ATAD2B: variants seen among roughly 807,000 people sequenced by gnomAD.
ATAD2B encodes the protein ATPase family AAA domain containing 2B, also known as ATPase family AAA domain-containing protein 2B.
In ATAD2B, 40 loss-of-function variants were observed where a neutral mutation model predicts 167.6. That is an observed-to-expected ratio of 0.24 (90% confidence interval 0.19 to 0.31). The LOEUF is 0.31. Among genes scored for constraint, ATAD2B ranks in the 10% least tolerant of loss-of-function variants. The pLI is 1.00. For missense variants in ATAD2B, 1,242 were observed against 1,757.2 expected (o/e 0.71, Z 5.24); for synonymous variants, 579 against 596.5 (o/e 0.97, Z 0.43).
chr2:23,723,114 A>C, the ATAD2B span, among the ~76,000 whole-genome samples: 1 of 152,184 alleles, frequency 6.6e-6, no homozygotes, highest in Admixed American at 6.5e-5. Flanking sequence ...CAACATGGCG[A>C]AACCCCATCT....
At chr2:23,685,394 A>G in the ATAD2B span, 1 of 152,362 alleles carries the variant, frequency 6.6e-6, no homozygotes, top group Non-Finnish European at 1.5e-5. Context: ...CCCTCAGCAG[A>G]TTAACGCCGC....
At chr2:23,735,646 T>C in the ATAD2B span, among the ~76,000 whole-genome samples, 3 of 152,316 alleles carry the variant, frequency 2.0e-5, no homozygotes, top group South Asian at 6.2e-4. Flanking sequence ...AATACTAACT[T>C]GAAAAGATTC....
chr2:23,849,279 A>G (rs992330011), intron 13 of ATAD2B, among the ~76,000 whole-genome samples: 3 of 152,206 alleles, frequency 2.0e-5, no homozygotes, highest in Non-Finnish European at 4.4e-5. Flanking sequence ...AAACAGCATG[A>G]AGTCTAGAAT....
intron 18 of ATAD2B, among the ~76,000 whole-genome samples, chr2:23,799,367 G>A (rs1025227168): frequency 6.6e-6 from 1 of 151,994 alleles, no homozygotes; most frequent in Non-Finnish European, 1.5e-5. Context: ...GAGGTCAGGA[G>A]TTCAAGACCA....
chr2:23,736,373 AG>A, the ATAD2B span, among the ~76,000 whole-genome samples: 2 of 152,204 alleles, frequency 1.3e-5, no homozygotes, highest in African/African-American at 4.8e-5. Flanking sequence ...GCAGATAGCA[AG>A]GAATTACCAA....
At chr2:23,800,695 T>A (rs1201432985) in intron 18 of ATAD2B, among the ~76,000 whole-genome samples, 2 of 152,114 alleles carry the variant, frequency 1.3e-5, no homozygotes, top group African/African-American at 4.8e-5. Context: ...TTCCAAAAAA[T>A]TTCTTATTTT....
At chr2:23,884,437 A>G (rs976877057) in intron 6 of ATAD2B, among the ~76,000 whole-genome samples, 3 of 152,230 alleles carry the variant, frequency 2.0e-5, no homozygotes, top group African/African-American at 7.2e-5. Context: ...GTAACTATCC[A>G]GTTAGAAGGT....
chr2:23,919,799 C>T (rs914188918), intron 1 of ATAD2B, among the ~76,000 whole-genome samples: 16 of 148,214 alleles, frequency 1.1e-4, no homozygotes, highest in African/African-American at 2.3e-4. Context: ...GAGCTGAGGT[C>T]GCACCATTGT....
chr2:23,883,336 G>A (rs1446605331), intron 6 of ATAD2B, among the ~76,000 whole-genome samples: 1 of 144,550 alleles, frequency 6.9e-6, no homozygotes, highest in Non-Finnish European at 1.5e-5. Context: ...CATGACATCA[G>A]AAAGCATTAT....
At chr2:23,695,584 T>A in the ATAD2B span, 3 of 1,436,620 alleles carry the variant, frequency 2.1e-6, no homozygotes, top group Non-Finnish European at 2.8e-6. This position sits in a 1 kb window ranked among gnomAD's most constrained non-coding sequence, Gnocchi z 7.6. Flanking sequence ...TGGCTCTCTC[T>A]TGCTAGTCTA....
the ATAD2B span, among the ~76,000 whole-genome samples, chr2:23,681,213 C>A: frequency 3.9e-5 from 6 of 152,220 alleles, no homozygotes; most frequent in Non-Finnish European, 5.9e-5. This position sits in a 1 kb window ranked among gnomAD's most constrained non-coding sequence, Gnocchi z 4.2. Context: ...GCACTTGGGG[C>A]CTGCTGGGAA....
chr2:23,695,830 G>T, the ATAD2B span: 1 of 1,545,770 alleles, frequency 6.5e-7, no homozygotes, highest in South Asian at 1.2e-5. The surrounding 1 kb of genome is among the most constrained non-coding windows in gnomAD (Gnocchi z 7.6). Context: ...AGGTATGAAG[G>T]GGCACGCCCC....
At chr2:23,820,135 A>G (rs1234712949) in intron 16 of ATAD2B, among the ~76,000 whole-genome samples, 1 of 149,862 alleles carries the variant, frequency 6.7e-6, no homozygotes, top group East Asian at 1.9e-4. Flanking sequence ...GACTGGCTTA[A>G]AAAAAAAAAA....
intron 6 of ATAD2B, among the ~76,000 whole-genome samples, chr2:23,883,374 G>A (rs1342350689): frequency 1.3e-5 from 2 of 151,068 alleles, no homozygotes; most frequent in African/African-American, 4.9e-5. Flanking sequence ...TTAGGTTGTA[G>A]AGAAAAATCA....
chr2:23,917,547 C>T (rs1487112160), intron 1 of ATAD2B, among the ~76,000 whole-genome samples: 1 of 151,494 alleles, frequency 6.6e-6, no homozygotes, highest in Non-Finnish European at 1.5e-5. Context: ...GATAGTAGCA[C>T]AAGTATACCT....
intron 19 of ATAD2B, among the ~76,000 whole-genome samples, chr2:23,793,299 G>A (rs1421306950): frequency 6.6e-6 from 1 of 152,060 alleles, no homozygotes; most frequent in African/African-American, 2.4e-5. Flanking sequence ...TCTTAAACCT[G>A]CTCATAATAA....
intron 22 of ATAD2B, among the ~76,000 whole-genome samples, chr2:23,778,743 AT>A (rs1292239425): frequency 6.6e-6 from 1 of 152,328 alleles, no homozygotes; most frequent in Non-Finnish European, 1.5e-5. Context: ...CCATTTAAGA[AT>A]GTTGTTATCA....
chr2:23,906,417 G>C (rs113722490), intron 1 of ATAD2B, among the ~76,000 whole-genome samples: 4,604 of 152,206 alleles, frequency 0.03, 82 homozygotes, highest in Non-Finnish European at 0.048. Flanking sequence ...ATGCCAACCG[G>C]TTAAATATGT....
intron 1 of ATAD2B, among the ~76,000 whole-genome samples, chr2:23,904,894 A>G (rs1045630683): frequency 3.9e-5 from 6 of 152,100 alleles, no homozygotes; most frequent in Non-Finnish European, 8.8e-5. Flanking sequence ...AAAAAACAAA[A>G]CTCTGCACTG....
Sources: gnomAD v4.1 joint callset for allele counts (sites outside exome capture counted in the v4.1 genomes callset) on GRCh38, gnomAD v4.1.1 for gene constraint, Gnocchi (gnomAD v3.1) non-coding constraint, MANE v1.5 for transcripts, NCBI Gene and HGNC (gene_info 2026-07-23, HGNC 2026-07-21) for gene names.